The following JAKMIP1 variants were observed in gnomAD, a reference collection of about 807,000 sequenced individuals.
The protein encoded by JAKMIP1 is janus kinase and microtubule interacting protein 1.
JAKMIP1 carries 33 observed loss-of-function variants against 113.0 expected under a neutral mutation model. The ratio of observed to expected loss-of-function variants is 0.29; its 90% CI spans 0.22 to 0.39. JAKMIP1 has a LOEUF of 0.39. Ranked by LOEUF, JAKMIP1 falls within the 10% of genes least tolerant of loss-of-function variation. The probability of loss-of-function intolerance (pLI) is 1.00; values close to 1 mark genes in which losing one functional copy is unlikely to be tolerated. For missense variants in JAKMIP1, 813 were observed against 1,080.5 expected, an observed-to-expected ratio of 0.75 and a Z score of 3.47; for synonymous variants, 480 against 459.9, an observed-to-expected ratio of 1.04 and a Z score of -0.56.
At position 6,097,069 on chromosome 4, in the gene JAKMIP1, G is replaced by A. The variant is rs994077270; in HGVS notation, c.624+8404C>T. 1.2e-4 allele frequency among the ~76,000 whole-genome samples: 18 copies of A among 152,116 alleles called. No individual in the cohort carries two copies. The highest frequency in any genetic ancestry group is 4.3e-4 in the African/African-American group (18 of 41,420). On this transcript the variant is annotated intron_variant, in intron 3 of 20. Coordinates refer to ENST00000409021, the MANE Select transcript of JAKMIP1 (RefSeq NM_001099433.2). This position sits in a 1 kb window ranked among gnomAD's most constrained non-coding sequence, Gnocchi z 4.3. ...CAGGCTGGAGTGCAGGGGCATGATC[G>A]TAGGTCACAGTAGCCTCAATCTGCT...
At position 6,054,602 on chromosome 4, in the gene JAKMIP1, C is replaced by G. The variant is rs376547721; in HGVS notation, c.1708-454G>C. 2.9e-3 allele frequency: 1,104 copies of G among 383,316 alleles called. 10 individuals are homozygous for G. The highest frequency in any genetic ancestry group is 0.021 in the African/African-American group (997 of 47,786). The allele number at this position is 383,316 out of a possible 1,614,324, so 23.7% of individuals were successfully genotyped here. A position where few individuals can be genotyped will look rare whatever the true frequency, so the allele number is the denominator to read the frequency against. ...CAGCCAGCTGCGGCAGGGAGGGCCC[C>G]TCCTGCTTCCCCACAGAGCTTGCAG... On this transcript the variant is annotated intron_variant, in intron 12 of 20. Transcript: ENST00000409021.
At chr4:6,113,468 A>T (rs1360620451) in intron 1 of JAKMIP1, among the ~76,000 whole-genome samples, 1 of 152,186 alleles carries the variant, frequency 6.6e-6, no homozygotes, top group Non-Finnish European at 1.5e-5. Flanking sequence ...GCAATTCTGG[A>T]GCAGGGCGTG....
intron 12 of JAKMIP1, chr4:6,054,645 G>A (rs189534155): frequency 3.5e-5 from 15 of 429,138 alleles, no homozygotes; most frequent in African/African-American, 3.0e-4. Context: ...CGTAAAGGCA[G>A]GAGTTCTCTG....
In JAKMIP1 at chr4:6,051,042, T is replaced by C. The variant is rs550880379; in HGVS notation, c.1807-363A>G. On this transcript the variant is annotated intron_variant, in intron 13 of 20. Transcript: ENST00000409021. The surrounding 1 kb of genome is among the most constrained non-coding windows in gnomAD (Gnocchi z 5.0). The stretch of plus-strand genomic sequence containing the variant: ...GCAAAAGCCACCAACTATGGTTTAT[T>C]ACTCTGTGCCAGGCACACCACTCTC... 1.3e-5 allele frequency among the ~76,000 whole-genome samples: 2 copies of C among 152,312 alleles called. No individual in the cohort carries two copies. The highest frequency in any genetic ancestry group is 2.4e-5 in the African/African-American group (1 of 41,566).
chr4:6,087,395 C>G (rs1010941723), intron 3 of JAKMIP1, among the ~76,000 whole-genome samples: 2 of 152,176 alleles, frequency 1.3e-5, no homozygotes, highest in Admixed American at 1.3e-4. Flanking sequence ...TTAGAGCAAC[C>G]ATGAGAAGAA....
At position 6,050,252 on chromosome 4, in the gene JAKMIP1, G is replaced by A. The variant is rs1715487434; in HGVS notation, c.1908+326C>T. Reference sequence around the variant, plus strand: ...GGCACTTGGAGTCTGTTCATGATGTGTCATCACCCCAGCTTCACGGTGTGG... The same window carrying A: ...GGCACTTGGAGTCTGTTCATGATGTATCATCACCCCAGCTTCACGGTGTGG... On this transcript the variant is annotated intron_variant, in intron 14 of 20. Coordinates refer to ENST00000409021, the MANE Select transcript of JAKMIP1 (RefSeq NM_001099433.2). The surrounding 1 kb of genome is among the most constrained non-coding windows in gnomAD (Gnocchi z 7.4). 6.6e-6 allele frequency among the ~76,000 whole-genome samples: 1 copy of A among 152,168 alleles called. No homozygotes were observed. The highest frequency in any genetic ancestry group is 6.5e-5 in the Admixed American group (1 of 15,278).
intron 11 of JAKMIP1, among the ~76,000 whole-genome samples, chr4:6,057,377 C>T (rs934890165): frequency 6.6e-6 from 1 of 152,248 alleles, no homozygotes; most frequent in African/African-American, 2.4e-5. Context: ...AGCCACAGAG[C>T]TGGGGCTGGG....
chr4:6,113,255 C>G (rs1435355904), intron 1 of JAKMIP1, among the ~76,000 whole-genome samples: 4 of 152,190 alleles, frequency 2.6e-5, no homozygotes, highest in Non-Finnish European at 5.9e-5. Context: ...GTGACCACAC[C>G]TGGAATAGCT....
At position 6,044,848 on chromosome 4, in the gene JAKMIP1, G is replaced by T. The variant is rs1455458881; in HGVS notation, c.2029-2621C>A. 2.6e-5 allele frequency among the ~76,000 whole-genome samples: 4 copies of T among 152,234 alleles called. No individual in the cohort carries two copies. The highest frequency in any genetic ancestry group is 4.4e-5 in the Non-Finnish European group (3 of 68,036). On this transcript the variant is annotated intron_variant, in intron 16 of 20. Coordinates refer to ENST00000409021, the MANE Select transcript of JAKMIP1 (RefSeq NM_001099433.2). The surrounding 1 kb of genome is among the most constrained non-coding windows in gnomAD (Gnocchi z 4.4). Reference sequence around the variant, plus strand: ...GTGAGATCAGAAATTTAATATCAAAGAGTTTGGCCAGATAGCTGTGGAGGC... The same window carrying T: ...GTGAGATCAGAAATTTAATATCAAATAGTTTGGCCAGATAGCTGTGGAGGC...
In JAKMIP1 at chr4:6,064,938, G is replaced by A; in HGVS notation, c.1373C>T (p.Ser458Phe). Residue 458 changes from serine (S) to phenylalanine (F), a missense_variant, in exon 9 of 21, where the codon TCC becomes TTC. By Grantham distance (155) the Ser-to-Phe change is radical. Transcript: ENST00000409021. The surrounding 1 kb of genome is among the most constrained non-coding windows in gnomAD (Gnocchi z 4.3). The stretch of plus-strand genomic sequence containing the variant: ...CCTGTCTGTCCTGTCTGTGTTGTAG[G>A]ATGTTTCGGACAACGTTTCTGAGTC... The part of the protein sequence containing the change: ...SVDSETLSET[S>F]YNTDRTDRTP... 6.2e-7 allele frequency: 1 copy of A among 1,614,126 alleles called. No individual in the cohort carries two copies.
intron 1 of JAKMIP1, among the ~76,000 whole-genome samples, chr4:6,117,895 T>C (rs909848428): frequency 2.0e-5 from 3 of 152,262 alleles, no homozygotes; most frequent in African/African-American, 7.2e-5. Flanking sequence ...GTTCTCTCTC[T>C]TATTCCCTGA....
intron 1 of JAKMIP1, among the ~76,000 whole-genome samples, chr4:6,164,391 A>T (rs1723339993): frequency 3.3e-5 from 5 of 152,200 alleles, no homozygotes; most frequent in Admixed American, 3.3e-4. Flanking sequence ...TCGGAAAAAA[A>T]AGATTACTTT....
intron 3 of JAKMIP1, among the ~76,000 whole-genome samples, chr4:6,104,732 G>T (rs1345286870): frequency 2.6e-5 from 4 of 152,090 alleles, no homozygotes; most frequent in Non-Finnish European, 5.9e-5. Context: ...TGTCTCCTAC[G>T]TCCAGTGAGG....
intron 1 of JAKMIP1, among the ~76,000 whole-genome samples, chr4:6,114,136 G>A (rs899597723): frequency 1.3e-5 from 2 of 152,228 alleles, no homozygotes; most frequent in Non-Finnish European, 2.9e-5. Flanking sequence ...GAGTCGTGGC[G>A]TTGGGATTAG....
intron 2 of JAKMIP1, among the ~76,000 whole-genome samples, chr4:6,110,287 T>C (rs907413391): frequency 6.6e-6 from 1 of 152,036 alleles, no homozygotes; most frequent in Non-Finnish European, 1.5e-5. Flanking sequence ...GAGAAAGCCA[T>C]GTGAAGACAC....
At chr4:6,149,489 C>A (rs559631179) in intron 1 of JAKMIP1, among the ~76,000 whole-genome samples, 2 of 152,084 alleles carry the variant, frequency 1.3e-5, no homozygotes, top group Admixed American at 6.5e-5. Context: ...CCGAGACCAG[C>A]GAGTAAGAAA....
rs1342255628 is a variant in JAKMIP1, at chr4:6,031,613, C to T, written c.2380-1832G>A. ...AGAGCTCAGAGGGTCTGGAATGGCC[C>T]ATGTCCCGATGAGGTGCTCACAGCT... On this transcript the variant is annotated intron_variant, in intron 19 of 20. Coordinates refer to ENST00000409021, the MANE Select transcript of JAKMIP1 (RefSeq NM_001099433.2). This position sits in a 1 kb window ranked among gnomAD's most constrained non-coding sequence, Gnocchi z 4.4. Among the ~76,000 whole-genome samples the T allele has an allele frequency of 1.3e-5, 2 of 152,150 alleles. No individual in the cohort carries two copies. Among genetic ancestry groups the T allele is most frequent in the Non-Finnish European group, 2.9e-5 (2 of 68,028 alleles).
At chr4:6,131,804 A>C (rs1335480949) in intron 1 of JAKMIP1, among the ~76,000 whole-genome samples, 1 of 152,226 alleles carries the variant, frequency 6.6e-6, no homozygotes, top group East Asian at 1.9e-4. Flanking sequence ...GAAATACTTA[A>C]AGTGATGAGA....
At position 6,108,071 on chromosome 4, in the gene JAKMIP1, G is replaced by T. The variant is rs555803295; in HGVS notation, c.130-2104C>A. ...CCGGGGCGTCTAGGGGCTGCTTCCT[G>T]GGAGGGGCAGAGGTGCTGCTGAGGC... is the stretch of plus-strand genomic sequence containing the variant. On this transcript the variant is annotated intron_variant, in intron 2 of 20. Coordinates refer to ENST00000409021, the MANE Select transcript of JAKMIP1 (RefSeq NM_001099433.2). The surrounding 1 kb of genome is among the most constrained non-coding windows in gnomAD (Gnocchi z 5.6). Among the ~76,000 whole-genome samples, 63 of 152,292 alleles carry T rather than the reference G, an allele frequency of 4.1e-4. No individual in the cohort carries two copies. Among genetic ancestry groups the T allele is most frequent in the African/African-American group, 1.5e-3 (62 of 41,576 alleles).
Sources: allele counts gnomAD v4.1 joint callset (sites outside exome capture counted in the v4.1 genomes callset), GRCh38; gene constraint gnomAD v4.1.1; non-coding constraint Gnocchi (gnomAD v3.1); transcripts MANE v1.5; gene names NCBI Gene and HGNC (gene_info 2026-07-23, HGNC 2026-07-21).